ANKRD6: variants seen among roughly 807,000 people sequenced by gnomAD.
ANKRD6 encodes the protein ankyrin repeat domain 6, also known as ankyrin repeat domain-containing protein 6.
In ANKRD6, 56 loss-of-function variants were observed where a neutral mutation model predicts 82.3. The observed-to-expected ratio is 0.68, with a 90% CI of 0.55 to 0.85. The LOEUF is 0.85. Among genes scored for constraint, ANKRD6 ranks in the 40% least tolerant of loss-of-function variants. The pLI, the probability that ANKRD6 is intolerant of heterozygous loss-of-function variation, is 0.00. For missense variants in ANKRD6, 852 were observed against 907.6 expected (o/e 0.94, Z 0.79); for synonymous variants, 347 against 352.1 (o/e 0.99, Z 0.16).
intron 1 of ANKRD6, among the ~76,000 whole-genome samples, chr6:89,472,259 T>G (rs1465226450): frequency 6.6e-6 from 1 of 152,170 alleles, no homozygotes; most frequent in Non-Finnish European, 1.5e-5. Flanking sequence ...TATTTGCAAA[T>G]AAGTTCACAT....
At chr6:89,617,883 T>C in intron 8 of ANKRD6, 71 bp from the exon 9 acceptor site, 2 of 1,467,262 alleles carry the variant, frequency 1.4e-6, no homozygotes, top group Non-Finnish European at 1.9e-6. Flanking sequence ...TGGCCAGAGC[T>C]GTGCCAGCTG....
intron 1 of ANKRD6, among the ~76,000 whole-genome samples, chr6:89,557,119 G>A (rs74658397): frequency 1.5e-4 from 23 of 152,266 alleles, no homozygotes; most frequent in African/African-American, 5.3e-4. Context: ...AAAGGAACAG[G>A]TTTGGGAGGA....
At position 89,622,033 on chromosome 6, in the gene ANKRD6, G is replaced by C; in HGVS notation, c.897+7G>C. On this transcript the variant is annotated splice_region_variant and intron_variant, in intron 10 of 15. Coordinates refer to ENST00000339746, the MANE Select transcript of ANKRD6 (RefSeq NM_001242809.2). ...TGAGGTGGCCCAAAGCAAGGTGGGG[G>C]GCAGTCCTCCCGCCGTCCCCACATC... The C allele has an allele frequency of 6.2e-7, 1 of 1,611,148 alleles. No homozygotes were observed. The highest frequency in any genetic ancestry group is 2.2e-5 in the East Asian group (1 of 44,852).
At chr6:89,533,727 AGTGTGTGTGT>A (rs59064465) in intron 1 of ANKRD6, among the ~76,000 whole-genome samples, 275 of 142,110 alleles carry the variant, frequency 1.9e-3, no homozygotes, top group Middle Eastern at 0.01. Flanking sequence ...AGAGAAAATG[AGTGTGTGTGT>A]GTGTGTGTGT....
Position 89,621,907 on chromosome 6 carries a change from G to C in ANKRD6, c.793-15G>C, listed in dbSNP as rs376683497. On this transcript the variant is annotated splice_polypyrimidine_tract_variant and intron_variant, in intron 9 of 15. Transcript: ENST00000339746. ...GCACACCAGTGGTTGTAACAATGCC[G>C]TTTGCCTCCTTCAGGTCTTGCGCTT... The C allele has an allele frequency of 6.2e-7, 1 of 1,612,540 alleles. No individual in the cohort carries two copies. The highest frequency in any genetic ancestry group is 8.5e-7 in the Non-Finnish European group (1 of 1,178,784).
At chr6:89,560,808 G>C (rs1397793420) in intron 1 of ANKRD6, 1 of 152,206 alleles carries the variant, frequency 6.6e-6, no homozygotes, top group East Asian at 1.9e-4. Context: ...GGGGGGACAA[G>C]AGCGAGACTT....
chr6:89,628,779 A>C (rs1806576767), intron 14 of ANKRD6: 1 of 266,040 alleles, frequency 3.8e-6, no homozygotes, highest in Non-Finnish European at 7.3e-6. Context: ...TCAAAAAACA[A>C]ACAAACAAAC....
chr6:89,441,077 G>A lies in ANKRD6; in HGVS notation c.-144+7702G>A, dbSNP rs1330209581. On this transcript the variant is annotated intron_variant, in intron 1 of 15. Transcript: ENST00000339746. ...TTGATAATAACTCTGTTCCTAGTTAGAACCTACTTAATCTCTGTGGCCCAC... is the reference window on the plus strand; with the variant it reads ...TTGATAATAACTCTGTTCCTAGTTAAAACCTACTTAATCTCTGTGGCCCAC... Among the ~76,000 whole-genome samples, 3 of 152,182 alleles carry A rather than the reference G, an allele frequency of 2.0e-5. No homozygotes were observed. The East Asian group carries it at 5.8e-4, about 29-fold the overall frequency.
At chr6:89,481,473 A>C (rs765099114) in intron 1 of ANKRD6, among the ~76,000 whole-genome samples, 15 of 152,216 alleles carry the variant, frequency 9.9e-5, no homozygotes, top group Non-Finnish European at 1.9e-4. Flanking sequence ...TCAAAATCGG[A>C]AACACTTCTG....
At chr6:89,597,451 T>C (rs1796160919) in intron 3 of ANKRD6, among the ~76,000 whole-genome samples, 1 of 152,224 alleles carries the variant, frequency 6.6e-6, no homozygotes, top group Non-Finnish European at 1.5e-5. Context: ...TTAAAGGCTT[T>C]GCTTGCCACA....
chr6:89,452,693 AT>A (rs1227112445), intron 1 of ANKRD6, among the ~76,000 whole-genome samples: 4 of 152,078 alleles, frequency 2.6e-5, no homozygotes, highest in Non-Finnish European at 5.9e-5. Context: ...GCAGTAAGTA[AT>A]GTGCTAAATC....
In ANKRD6 at chr6:89,630,537, A is replaced by AGAC. The variant is rs764747638; in HGVS notation, c.1718_1720dup (p.Arg573dup). ...GGCCCTCAACTCCACTGCTACCCAG[A>AGAC]GACTCCAGCAGGAGCTGTCGTCTTC... On this transcript the variant is annotated inframe_insertion, in exon 16 of 16. Coordinates refer to ENST00000339746, the MANE Select transcript of ANKRD6 (RefSeq NM_001242809.2). The AGAC allele has an allele frequency of 1.2e-5, 19 of 1,613,998 alleles. No individual in the cohort carries two copies. The highest frequency in any genetic ancestry group is 1.5e-5 in the Non-Finnish European group (18 of 1,179,854).
At chr6:89,439,217 A>G (rs1208214761) in intron 1 of ANKRD6, among the ~76,000 whole-genome samples, 2 of 152,206 alleles carry the variant, frequency 1.3e-5, no homozygotes, top group Non-Finnish European at 2.9e-5. Context: ...AGAAAGACGG[A>G]GCAGAGAAAG....
intron 4 of ANKRD6, 128 bp downstream of exon 4, chr6:89,603,255 A>G: frequency 1.5e-6 from 1 of 666,746 alleles, no homozygotes; most frequent in East Asian, 2.9e-5. Context: ...ACCACTTATG[A>G]TTTAACATGA....
intron 1 of ANKRD6, among the ~76,000 whole-genome samples, chr6:89,445,345 A>G (rs1458621901): frequency 7.3e-6 from 1 of 136,126 alleles, no homozygotes; most frequent in East Asian, 2.1e-4. Context: ...ATCTTAGCTC[A>G]CTGGAACCTC....
At chr6:89,612,237 C>G in intron 5 of ANKRD6, 35 bp from the exon 6 acceptor site, 1 of 1,537,568 alleles carries the variant, frequency 6.5e-7, no homozygotes, top group East Asian at 2.5e-5. Context: ...AAGCATGTTG[C>G]TAATATGTCC....
intron 1 of ANKRD6, among the ~76,000 whole-genome samples, chr6:89,456,423 G>A (rs1773520161): frequency 6.6e-6 from 1 of 152,182 alleles, no homozygotes; most frequent in African/African-American, 2.4e-5. Flanking sequence ...GGTGCTGGTG[G>A]AATTGATTTC....
chr6:89,619,232 C>G (rs1014100717), intron 9 of ANKRD6, among the ~76,000 whole-genome samples: 29 of 152,210 alleles, frequency 1.9e-4, no homozygotes, highest in African/African-American at 6.5e-4. Flanking sequence ...CCACCTCTAG[C>G]AGCTTTTATC....
chr6:89,481,281 G>A (rs959720364), intron 1 of ANKRD6, among the ~76,000 whole-genome samples: 1 of 152,126 alleles, frequency 6.6e-6, no homozygotes, highest in Non-Finnish European at 1.5e-5. Flanking sequence ...ATGTTGGTAG[G>A]AATATAAATT....
Sources: gnomAD v4.1 joint callset for allele counts (sites outside exome capture counted in the v4.1 genomes callset) on GRCh38, gnomAD v4.1.1 for gene constraint, MANE v1.5 for transcripts, NCBI Gene and HGNC (gene_info 2026-07-23, HGNC 2026-07-21) for gene names.